The following PRSS36 variants were observed in gnomAD, a reference collection of about 807,000 sequenced individuals.
PRSS36 encodes the protein serine protease 36.
PRSS36 carries 90 observed loss-of-function variants against 94.3 expected under a neutral mutation model. The ratio of observed to expected loss-of-function variants is 0.95; its 90% CI spans 0.80 to 1.14. The LOEUF (loss-of-function observed/expected upper bound fraction) is 1.14. Among genes scored for constraint, PRSS36 ranks in the 50% most tolerant of loss-of-function variants. The pLI, the probability that PRSS36 is intolerant of heterozygous loss-of-function variation, is 0.00. For missense variants in PRSS36, 1,158 were observed against 1,135.0 expected (o/e 1.02, Z -0.29); for synonymous variants, 500 against 489.6 (o/e 1.02, Z -0.28).
chr16:31,143,082 T>A, intron 8 of PRSS36, 89 bp from the exon 9 acceptor site: 1 of 1,382,852 alleles, frequency 7.2e-7, no homozygotes, highest in Non-Finnish European at 9.3e-7. Context: ...CAGGCGAGGA[T>A]CCTGCATCCT....
In PRSS36 at chr16:31,145,958, G is replaced by A. The variant is rs1395215844; in HGVS notation, c.554-3C>T. On this transcript the variant is annotated splice_polypyrimidine_tract_variant and splice_region_variant and intron_variant, in intron 5 of 14. Coordinates refer to ENST00000268281, the MANE Select transcript of PRSS36 (RefSeq NM_173502.5). The stretch of plus-strand genomic sequence containing the variant: ...CACCCAGGGGAGAGGCAGAGGATCT[G>A]GAGGCAGAACCAGAGAGCAGGTGCT... 1.2e-6 allele frequency: 2 copies of A among 1,609,712 alleles called. No individual in the cohort carries two copies. The highest frequency in any genetic ancestry group is 1.1e-5 in the South Asian group (1 of 90,622).
intron 5 of PRSS36, among the ~76,000 whole-genome samples, chr16:31,147,014 AAAG>A (rs2057807874): frequency 6.6e-6 from 1 of 152,124 alleles, no homozygotes; most frequent in African/African-American, 2.4e-5. Context: ...GAAAAAAAGA[AAAG>A]AATTTGAGGT....
rs763073739 is a variant in PRSS36 at position 31,141,533 on chromosome 16, G to T, written c.1837C>A (p.Arg613=). Residue 613 remains arginine, a synonymous_variant, in exon 12 of 15, where the codon CGA becomes AGA. Coordinates refer to ENST00000268281, the MANE Select transcript of PRSS36 (RefSeq NM_173502.5). ...GCCAGGAGGATCCCAGTGCAGACTC[G>T]ATCACCAGCCACATGCACCTCTGCC... ...WLAEVHVAGD[R]VCTGILLAPG... The T allele has an allele frequency of 6.2e-7, 1 of 1,613,086 alleles. No individual in the cohort carries two copies. The highest frequency in any genetic ancestry group is 8.5e-7 in the Non-Finnish European group (1 of 1,179,984).
Position 31,148,433 on chromosome 16 carries a change from G to A in PRSS36, c.515C>T (p.Ala172Val), listed in dbSNP as rs61733263. 2,268 of 1,573,178 alleles carry A rather than the reference G, an allele frequency of 1.4e-3. 27 individuals are homozygous for A. The African/African-American group carries it at 0.024, about 17-fold the overall frequency. Residue 172 changes from alanine to valine, a missense_variant, in exon 5 of 15, where the codon GCC (alanine) becomes GTC (valine). Transcript: ENST00000268281. ...GTCTCCCCAGCCGGTGGCCCAGCAG[G>A]CGGTGCCGTGCACGAAGCGGTGTGA... ...RASHRFVHGT[A>V]CWATGWGDVQ...
In PRSS36 at chr16:31,140,753, C is replaced by T; in HGVS notation, c.1906G>A (p.Gly636Ser). 1 of 1,613,832 alleles carries T rather than the reference C, an allele frequency of 6.2e-7. No homozygotes were observed. The change falls in exon 13 of 15, where the codon GGC becomes AGC. Residue 636 changes from glycine to serine, a missense_variant. By Grantham distance (56) the Gly-to-Ser change is moderately conservative (BLOSUM62 0). Coordinates refer to ENST00000268281, the MANE Select transcript of PRSS36 (RefSeq NM_173502.5). ...LAATHCVLRPGSTTVPYIEVY... is the reference protein window; with the variant it reads ...LAATHCVLRPSSTTVPYIEVY... ...TCAATGTAAGGCACTGTTGTAGAGC[C>T]TGGCCTGTTGGAACAAGGTCCAATG...
At position 31,145,906 on chromosome 16, in the gene PRSS36, C is replaced by G; in HGVS notation, c.603G>C (p.Leu201=). 1 of 1,613,980 alleles carries G rather than the reference C, an allele frequency of 6.2e-7. No individual in the cohort carries two copies. The highest frequency in any genetic ancestry group is 8.5e-7 in the Non-Finnish European group (1 of 1,179,956). ...WVLQEVELRL[L]GEATCQCLYS... is the part of the protein sequence containing the mutation. ...AGAGACATTGACAGGTGGCCTCGCCCAGCAGCCTTAGCTCCACTTCCTGTA... is the reference window on the plus strand; with the variant it reads ...AGAGACATTGACAGGTGGCCTCGCCGAGCAGCCTTAGCTCCACTTCCTGTA... Residue 201 remains leucine (L), a synonymous_variant, in exon 6 of 15, where the codon CTG becomes CTC. Coordinates refer to ENST00000268281, the MANE Select transcript of PRSS36 (RefSeq NM_173502.5).
At position 31,140,204 on chromosome 16, in the gene PRSS36, A is replaced by C. The variant is rs925698090; in HGVS notation, c.2289+90T>G. ...GACTCTGTCTCAAAAAAAAAAAAAA[A>C]AAAAAATTCCAATTCTGCTATCTCT... On this transcript the variant is annotated intron_variant, in intron 14 of 14. Coordinates refer to ENST00000268281, the MANE Select transcript of PRSS36 (RefSeq NM_173502.5). 5 of 1,425,840 alleles carry C rather than the reference A, an allele frequency of 3.5e-6. No individual in the cohort carries two copies. The African/African-American group carries it at 7.2e-5, about 21-fold the overall frequency. The allele number at this position is 1,425,840 out of a possible 1,614,324, so 88.3% of individuals were successfully genotyped here. A position where few individuals can be genotyped will look rare whatever the true frequency, so the allele number is the denominator to read the frequency against.
chr16:31,143,325 C>T lies in PRSS36; in HGVS notation c.1100+17G>A, dbSNP rs1596849551. 1.3e-6 allele frequency: 2 copies of T among 1,571,036 alleles called. No homozygotes were observed. Among genetic ancestry groups the T allele is most frequent in the East Asian group, 4.5e-5 (2 of 44,556 alleles). ...GGGAGGGGCAAGGATCGGCTTGAAA[C>T]GTAGATTTTCACTCACTCCAGAAAG... On this transcript the variant is annotated intron_variant, in intron 8 of 14. Transcript: ENST00000268281.
rs1484549345 is a variant in PRSS36 at position 31,148,624 on chromosome 16, G to A, written c.324C>T (p.His108=). Residue 108 remains histidine, a synonymous_variant, in exon 5 of 15, where the codon CAC becomes CAT. Transcript: ENST00000268281. ...AAEWSVLLGV[H]SQDGPLDGAH... is the part of the protein sequence containing the mutation. The stretch of plus-strand genomic sequence containing the variant: ...CGCCGTCCAGGGGCCCGTCCTGGGA[G>A]TGCACGCCCAGCAGTACCGACCACT... 5 of 1,612,396 alleles carry A rather than the reference G, an allele frequency of 3.1e-6. No individual in the cohort carries two copies. Among genetic ancestry groups the A allele is most frequent in the Non-Finnish European group, 3.4e-6 (4 of 1,179,676 alleles).
chr16:31,141,869 C>T lies in PRSS36; in HGVS notation c.1613G>A (p.Arg538Gln), dbSNP rs1207102518. ...RDFPSGCLRPRAFFPLQTHGP... is the reference protein window; with the variant it reads ...RDFPSGCLRPQAFFPLQTHGP... Reference sequence around the variant, plus strand: ...ATGAGTCTGCAGAGGGAAGAAGGCTCGGGGACGTAGACAGCCACTGGGAAA... The same window carrying T: ...ATGAGTCTGCAGAGGGAAGAAGGCTTGGGGACGTAGACAGCCACTGGGAAA... Residue 538 changes from arginine (R) to glutamine (Q), a missense_variant, in exon 11 of 15, where the codon CGA (arginine) becomes CAA (glutamine). Physicochemically the swap from Arg to Gln is conservative, Grantham distance 43. Coordinates refer to ENST00000268281, the MANE Select transcript of PRSS36 (RefSeq NM_173502.5). 1 of 1,614,006 alleles carries T rather than the reference C, an allele frequency of 6.2e-7. No homozygotes were observed. The highest frequency in any genetic ancestry group is 8.5e-7 in the Non-Finnish European group (1 of 1,180,024).
At chr16:31,144,473 C>T (rs1482964680) in intron 6 of PRSS36, among the ~76,000 whole-genome samples, 1 of 152,198 alleles carries the variant, frequency 6.6e-6, no homozygotes, top group East Asian at 1.9e-4. Flanking sequence ...TTGTGCCCAG[C>T]CAGTTTGTCT....
intron 4 of PRSS36, 50 bp downstream of exon 4, chr16:31,149,023 C>T: frequency 6.8e-7 from 1 of 1,479,898 alleles, no homozygotes; most frequent in Non-Finnish European, 9.1e-7. Flanking sequence ...ACTGCGGGGG[C>T]GGGGGCCAGC....
At chr16:31,148,997 C>T (rs1409854851) in intron 4 of PRSS36, 76 bp downstream of exon 4, 2 of 1,233,872 alleles carry the variant, frequency 1.6e-6, no homozygotes, top group Non-Finnish European at 1.1e-6. Flanking sequence ...GGAAGTGGGG[C>T]GGGAGGAGGG....
chr16:31,143,836 C>A lies in PRSS36; in HGVS notation c.722G>T (p.Gly241Val), dbSNP rs2144033664. ...YPEGRRDTCQ[G>V]DSGGPLVCEE... ...ACAGACCAGGGGCCCCCCAGAGTCA[C>A]CCTAGTGGCAGATGACTGCATGTCA... Residue 241 changes from glycine to valine, a missense_variant and splice_region_variant, in exon 7 of 15, where the codon GGT (glycine) becomes GTT (valine). Physicochemically the swap from Gly to Val is moderately radical, Grantham distance 109. Transcript: ENST00000268281. The A allele has an allele frequency of 1.2e-6, 2 of 1,613,234 alleles. No homozygotes were observed. The highest frequency in any genetic ancestry group is 1.7e-6 in the Non-Finnish European group (2 of 1,179,996).
intron 4 of PRSS36, 117 bp downstream of exon 4, chr16:31,148,956 G>A (rs1221354782): frequency 8.1e-7 from 1 of 1,229,624 alleles, no homozygotes; most frequent in Non-Finnish European, 1.1e-6. Context: ...TCGCTTTGGG[G>A]ACAGCTTGGC....
chr16:31,140,815 C>T, intron 12 of PRSS36, 58 bp from the exon 13 acceptor site: 2 of 1,587,068 alleles, frequency 1.3e-6, no homozygotes, highest in Non-Finnish European at 8.6e-7. Context: ...CAAAGTCCTT[C>T]CCAGCCCAGG....
At chr16:31,146,544 A>G (rs1023640888) in intron 5 of PRSS36, among the ~76,000 whole-genome samples, 6 of 152,152 alleles carry the variant, frequency 3.9e-5, no homozygotes, top group African/African-American at 1.4e-4. Context: ...TTCAGTTCTG[A>G]TCTCACCAAG....
At position 31,142,870 on chromosome 16, in the gene PRSS36, G is replaced by GGCGTTGTCCCACGAA. The variant is rs753344549; in HGVS notation, c.1209_1223dup (p.Trp405_Ser409dup). The GGCGTTGTCCCACGAA allele has an allele frequency of 1.1e-4, 170 of 1,560,896 alleles. No homozygotes were observed. The highest frequency in any genetic ancestry group is 1.4e-4 in the Non-Finnish European group (167 of 1,158,396). On this transcript the variant is annotated inframe_insertion, in exon 9 of 15. Coordinates refer to ENST00000268281, the MANE Select transcript of PRSS36 (RefSeq NM_173502.5). ...GCAGCTGCAGCAGCGCCAGGTCCGA[G>GGCGTTGTCCCACGAA]GCGTTGTCCCACGAAGCGTTCTCGT...
intron 12 of PRSS36, 27 bp downstream of exon 12, chr16:31,141,442 C>T: frequency 6.3e-7 from 1 of 1,580,704 alleles, no homozygotes. Flanking sequence ...CCTCCCGTCT[C>T]TCGCCTAGGA....
Sources: allele counts gnomAD v4.1 joint callset (sites outside exome capture counted in the v4.1 genomes callset), GRCh38; gene constraint gnomAD v4.1.1; transcripts MANE v1.5; gene names NCBI Gene and HGNC (gene_info 2026-07-23, HGNC 2026-07-21).